The following AAK1 variants were observed in gnomAD, a reference collection of about 807,000 sequenced individuals.
AAK1 encodes AP2 associated kinase 1, also known as AP2-associated protein kinase 1.
A neutral mutation model predicts 116.0 loss-of-function variants in AAK1; 37 were observed. That is an observed-to-expected ratio of 0.32 (90% CI 0.25 to 0.42). AAK1 has a LOEUF of 0.42. Ranked by LOEUF, AAK1 falls within the 10% of genes least tolerant of loss-of-function variation. The pLI, the probability that AAK1 is intolerant of heterozygous loss-of-function variation, is 1.00. For synonymous variants in AAK1, 458 were observed against 439.9 expected, an observed-to-expected ratio of 1.04 and a Z score of -0.51; for missense variants, 919 against 1,170.6, an observed-to-expected ratio of 0.79 and a Z score of 3.14.
chr2:69,519,073 T>C lies in AAK1; in HGVS notation c.1378A>G (p.Thr460Ala), dbSNP rs1462823812. 6.4e-7 allele frequency: 1 copy of C among 1,551,420 alleles called. No homozygotes were observed. Among genetic ancestry groups the C allele is most frequent in the Non-Finnish European group, 8.7e-7 (1 of 1,147,030 alleles). The change falls in exon 12 of 22, where the codon ACA becomes GCA. Residue 460 changes from threonine to alanine, a missense_variant. Thr to Ala is a moderately conservative substitution (Grantham distance 58). Transcript: ENST00000409085. Reference sequence around the variant, plus strand: ...AAGAGTTGCTGCTGGTGCTGGGGTGTGGCCTGGGCCTGAGCGGGCAGACCC... The same window carrying C: ...AAGAGTTGCTGCTGGTGCTGGGGTGCGGCCTGGGCCTGAGCGGGCAGACCC... ...AQGLPAQAQA[T>A]PQHQQQLFLK...
At chr2:69,484,147 G>GA (rs1368314661) in intron 17 of AAK1, among the ~76,000 whole-genome samples, 1 of 152,120 alleles carries the variant, frequency 6.6e-6, no homozygotes, top group African/African-American at 2.4e-5. Flanking sequence ...GTTTGCTTGA[G>GA]AAAAAGAAGT....
At position 69,464,677 on chromosome 2, in the gene AAK1, C is replaced by CTCA. The variant is rs1222812075; in HGVS notation, c.*11189_*11191dup. ...ATACATGCACACACAAACCTGTACA[C>CTCA]TCACACTAATTTCAAAAGCATGGAT... is the stretch of plus-strand genomic sequence containing the variant. On this transcript the variant is annotated 3_prime_UTR_variant, in exon 22 of 22. Transcript: ENST00000409085. 6.6e-6 allele frequency: 1 copy of CTCA among 152,140 alleles called. No homozygotes were observed. Among genetic ancestry groups the CTCA allele is most frequent in the African/African-American group, 2.4e-5 (1 of 41,424 alleles). 9.4% of individuals were successfully genotyped at this position (152,140 alleles called of 1,614,324 possible).
intron 3 of AAK1, among the ~76,000 whole-genome samples, chr2:69,552,661 G>C (rs1572950122): frequency 6.6e-6 from 1 of 151,876 alleles, no homozygotes; most frequent in East Asian, 1.9e-4. Flanking sequence ...CAGTGAGCCG[G>C]GATTGCACCA....
chr2:69,555,580 C>T (rs1190265507), intron 3 of AAK1, among the ~76,000 whole-genome samples: 1 of 152,192 alleles, frequency 6.6e-6, no homozygotes, highest in Non-Finnish European at 1.5e-5. Context: ...AAGGAATCAT[C>T]ATCTCTAGGT....
At chr2:69,641,991 AG>A (rs952216092) in intron 2 of AAK1, among the ~76,000 whole-genome samples, 29 of 152,298 alleles carry the variant, frequency 1.9e-4, no homozygotes, top group African/African-American at 6.0e-4. Flanking sequence ...GGCTGTGAAA[AG>A]TATGAGTCTG....
chr2:69,591,888 CA>C (rs1308709388), intron 2 of AAK1, among the ~76,000 whole-genome samples: 1 of 152,062 alleles, frequency 6.6e-6, no homozygotes, highest in Admixed American at 6.6e-5. Context: ...TTTCAAACCA[CA>C]AAGACCACAG....
At chr2:69,531,366 G>T (rs1349207833) in intron 6 of AAK1, among the ~76,000 whole-genome samples, 1 of 152,162 alleles carries the variant, frequency 6.6e-6, no homozygotes, top group Non-Finnish European at 1.5e-5. Context: ...CTTGCCCCGG[G>T]CATGGTTGTC....
At chr2:69,587,523 T>C (rs1672843625) in intron 2 of AAK1, among the ~76,000 whole-genome samples, 1 of 151,836 alleles carries the variant, frequency 6.6e-6, no homozygotes. Flanking sequence ...TGGAGTGCAG[T>C]GGCGGGATCT....
intron 17 of AAK1, among the ~76,000 whole-genome samples, chr2:69,493,806 C>T (rs940215374): frequency 2.0e-5 from 3 of 152,102 alleles, no homozygotes; most frequent in Admixed American, 6.5e-5. Flanking sequence ...GGTTGAATGA[C>T]ACAAGGGAAC....
At chr2:69,507,661 A>T in intron 14 of AAK1, 83 bp from the exon 15 acceptor site, 1 of 1,293,110 alleles carries the variant, frequency 7.7e-7, no homozygotes, top group East Asian at 2.6e-5. Context: ...TCTCTGTTTC[A>T]GAATCAAATT....
At chr2:69,544,343 A>G in intron 4 of AAK1, 93 bp downstream of exon 4, 1 of 896,210 alleles carries the variant, frequency 1.1e-6, no homozygotes, top group Non-Finnish European at 1.8e-6. Context: ...CATATCATAG[A>G]GTGCAGTGCA....
intron 2 of AAK1, among the ~76,000 whole-genome samples, chr2:69,589,463 C>T (rs1192229322): frequency 6.6e-6 from 1 of 151,930 alleles, no homozygotes; most frequent in Non-Finnish European, 1.5e-5. Context: ...AATCCCAACA[C>T]TTTGGGAGGC....
chr2:69,591,518 T>TTC (rs1274498870), intron 2 of AAK1, among the ~76,000 whole-genome samples: 1 of 121,548 alleles, frequency 8.2e-6, no homozygotes, highest in Non-Finnish European at 1.6e-5. Context: ...TCTTTTTTTC[T>TTC]TTTTCTTTTT....
At chr2:69,635,225 T>C (rs1486124808) in intron 2 of AAK1, among the ~76,000 whole-genome samples, 1 of 152,032 alleles carries the variant, frequency 6.6e-6, no homozygotes, top group Non-Finnish European at 1.5e-5. Context: ...ACTAGGGAAA[T>C]ACAAATCAAA....
At position 69,469,061 on chromosome 2, in the gene AAK1, A is replaced by G; in HGVS notation, c.*6808T>C. The stretch of plus-strand genomic sequence containing the variant: ...AAAACAAGGACAAGAGCTATTTCCT[A>G]TCTTTCTTTCAGCATCAACAGGCTT... On this transcript the variant is annotated 3_prime_UTR_variant, in exon 22 of 22. Coordinates refer to ENST00000409085, the MANE Select transcript of AAK1 (RefSeq NM_014911.5). 1.9e-5 allele frequency: 19 copies of G among 985,478 alleles called. No homozygotes were observed. The highest frequency in any genetic ancestry group is 2.2e-5 in the Non-Finnish European group (18 of 829,944). 61.0% of individuals were successfully genotyped at this position (985,478 alleles called of 1,614,324 possible).
chr2:69,469,113 G>A lies in AAK1; in HGVS notation c.*6756C>T. The A allele has an allele frequency of 1.0e-6, 1 of 985,378 alleles. No homozygotes were observed. Among genetic ancestry groups the A allele is most frequent in the Non-Finnish European group, 1.2e-6 (1 of 829,920 alleles). 61.0% of individuals were successfully genotyped at this position (985,378 alleles called of 1,614,324 possible). A position where few individuals can be genotyped will look rare whatever the true frequency, so the allele number is the denominator to read the frequency against. On this transcript the variant is annotated 3_prime_UTR_variant, in exon 22 of 22. Coordinates refer to ENST00000409085, the MANE Select transcript of AAK1 (RefSeq NM_014911.5). ...GTAGGAATGGAAAAGTACATTTAAA[G>A]GGTTGTCCTGAGAAGGCCAAGTCCC...
At position 69,606,189 on chromosome 2, in the gene AAK1, C is replaced by A. The variant is rs60601020; in HGVS notation, c.163+36689G>T. On this transcript the variant is annotated intron_variant, in intron 2 of 21. Transcript: ENST00000409085. Reference sequence around the variant, plus strand: ...CTTCCTGATTTCTACCATCCCCAAGCAACTGTTTTTTCTCATCTCTGTAAT... The same window carrying A: ...CTTCCTGATTTCTACCATCCCCAAGAAACTGTTTTTTCTCATCTCTGTAAT... Among the ~76,000 whole-genome samples the A allele has an allele frequency of 6.7e-3, 1,026 of 152,294 alleles. 11 individuals are homozygous for A. Among genetic ancestry groups the A allele is most frequent in the East Asian group, 0.046 (241 of 5,186 alleles).
rs542601709 is a variant in AAK1, at chr2:69,557,138, T to G, written c.164-160A>C. 5.6e-4 allele frequency among the ~76,000 whole-genome samples: 86 copies of G among 152,298 alleles called. 1 individual carries two copies. Among genetic ancestry groups the G allele is most frequent in the Admixed American group, 3.9e-4 (6 of 15,306 alleles). ...TGTTGTAGAACACATTCTTAGATTC[T>G]CAGAACTTGGAGATATTACTTGTGG... On this transcript the variant is annotated intron_variant, in intron 2 of 21. Transcript: ENST00000409085.
rs565933572 is a variant in AAK1, at chr2:69,632,551, T to C, written c.163+10327A>G. On this transcript the variant is annotated intron_variant, in intron 2 of 21. Transcript: ENST00000409085. ...TTGGGAGTTGCTCAGAAGGGCCTAA[T>C]TGGCGGTGTGACTTTAGGCAAATCA... Among the ~76,000 whole-genome samples the C allele has an allele frequency of 1.1e-4, 17 of 152,336 alleles. No individual in the cohort carries two copies. In the East Asian group the frequency reaches 1.5e-3, roughly 14 times the overall value.
Sources: gnomAD v4.1 joint callset for allele counts (sites outside exome capture counted in the v4.1 genomes callset) on GRCh38, gnomAD v4.1.1 for gene constraint, MANE v1.5 for transcripts, NCBI Gene and HGNC (gene_info 2026-07-23, HGNC 2026-07-21) for gene names.